FRMD4B: variants seen among roughly 807,000 people sequenced by gnomAD.
FRMD4B encodes FERM domain containing 4B.
In FRMD4B, 74 loss-of-function variants were observed where a neutral mutation model predicts 141.5. The ratio of observed to expected loss-of-function variants is 0.52; its 90% confidence interval spans 0.43 to 0.63. The LOEUF (loss-of-function observed/expected upper bound fraction) is 0.63, where lower values mean the gene tolerates loss of function less well. Ranked by LOEUF, FRMD4B falls within the 30% of genes least tolerant of loss-of-function variation. The pLI is 0.00. For synonymous variants in FRMD4B, 506 were observed against 467.9 expected, an observed-to-expected ratio of 1.08 and a Z score of -1.05; for missense variants, 1,366 against 1,253.4, an observed-to-expected ratio of 1.09 and a Z score of -1.36.
intron 9 of FRMD4B, among the ~76,000 whole-genome samples, chr3:69,219,285 C>G (rs529436554): frequency 6.6e-6 from 1 of 152,126 alleles, no homozygotes; most frequent in South Asian, 2.1e-4. Flanking sequence ...AATTTTGTAA[C>G]GCTTCCTCTC....
intron 1 of FRMD4B, among the ~76,000 whole-genome samples, chr3:69,525,711 G>A (rs1409616147): frequency 1.3e-5 from 2 of 152,004 alleles, no homozygotes; most frequent in Non-Finnish European, 2.9e-5. Flanking sequence ...GAGTGCAGTG[G>A]CACAATCACG....
At chr3:69,455,534 A>G (rs1019030611) in intron 1 of FRMD4B, among the ~76,000 whole-genome samples, 2 of 152,174 alleles carry the variant, frequency 1.3e-5, no homozygotes, top group African/African-American at 4.8e-5. Flanking sequence ...GAGACCATTA[A>G]CCGGTAAGAA....
intron 3 of FRMD4B, among the ~76,000 whole-genome samples, chr3:69,304,349 T>A (rs1156317890): frequency 1.3e-5 from 2 of 151,832 alleles, no homozygotes; most frequent in Admixed American, 6.6e-5. Context: ...CTGGGCATGG[T>A]GGCGGGTGCC....
chr3:69,247,007 C>T (rs11706488), intron 7 of FRMD4B, among the ~76,000 whole-genome samples: 123 of 152,164 alleles, frequency 8.1e-4, no homozygotes, highest in Non-Finnish European at 1.6e-3. Context: ...CCACCTCCCC[C>T]ATAACTATAG....
Position 69,346,866 on chromosome 3 carries a change from A to G in FRMD4B, c.163-33349T>C, listed in dbSNP as rs1170729065. Among the ~76,000 whole-genome samples, 10 of 152,334 alleles carry G rather than the reference A, an allele frequency of 6.6e-5. No individual in the cohort carries two copies. In the East Asian group the frequency reaches 1.7e-3, roughly 26 times the overall value. ...TGGAAAGGAAAAACCCATACCAGCC[A>G]CTGCAAAATCAAGCCAAATTGTAAA... On this transcript the variant is annotated intron_variant, in intron 1 of 22. Transcript: ENST00000398540.
intron 2 of FRMD4B, among the ~76,000 whole-genome samples, chr3:69,410,726 A>ATATAT (rs1704742541): frequency 1.2e-4 from 10 of 86,268 alleles, no homozygotes; most frequent in Admixed American, 1.4e-4. Context: ...TAAATAAATA[A>ATATAT]ATATATATAT....
intron 1 of FRMD4B, among the ~76,000 whole-genome samples, chr3:69,373,465 A>G (rs550013423): frequency 6.6e-6 from 1 of 152,238 alleles, no homozygotes; most frequent in Non-Finnish European, 1.5e-5. Context: ...AACAATTTCT[A>G]TATTTGCCAA....
At chr3:69,175,371 T>A (rs1019974332) in intron 22 of FRMD4B, among the ~76,000 whole-genome samples, 2 of 152,230 alleles carry the variant, frequency 1.3e-5, no homozygotes, top group East Asian at 1.9e-4. Flanking sequence ...AGAATTTTTT[T>A]AAAAACTAAT....
intron 2 of FRMD4B, among the ~76,000 whole-genome samples, chr3:69,410,718 AATAAATAAATATATATATAT>A (rs1704740510): frequency 1.4e-5 from 1 of 72,446 alleles, no homozygotes; most frequent in East Asian, 4.5e-4. Flanking sequence ...TAAATAAATA[AATAAATAAATATATATATAT>A]ATATATATAT....
chr3:69,540,442 G>A (rs1242157872), intron 1 of FRMD4B, among the ~76,000 whole-genome samples: 2 of 150,144 alleles, frequency 1.3e-5, no homozygotes, highest in Non-Finnish European at 3.0e-5. Context: ...GTGAAGCCCC[G>A]TCTCTATTAA....
At chr3:69,508,522 G>A (rs989739173) in intron 1 of FRMD4B, among the ~76,000 whole-genome samples, 1 of 152,130 alleles carries the variant, frequency 6.6e-6, no homozygotes, top group Admixed American at 6.6e-5. Flanking sequence ...GAGAAAGAAA[G>A]CATCCTCCTA....
At chr3:69,501,764 T>C (rs921398757) in intron 1 of FRMD4B, among the ~76,000 whole-genome samples, 1 of 152,216 alleles carries the variant, frequency 6.6e-6, no homozygotes, top group African/African-American at 2.4e-5. Flanking sequence ...GATGACATGA[T>C]TGTATATCTA....
chr3:69,180,829 C>T (rs1382033852), intron 21 of FRMD4B, 70 bp downstream of exon 21: 38 of 1,080,590 alleles, frequency 3.5e-5, no homozygotes, highest in South Asian at 1.0e-4. Flanking sequence ...ATCCGTGAGG[C>T]GGTTTTAGGT....
intron 4 of FRMD4B, among the ~76,000 whole-genome samples, chr3:69,293,778 G>C (rs1321549750): frequency 6.6e-6 from 1 of 150,856 alleles, no homozygotes; most frequent in Non-Finnish European, 1.5e-5. Flanking sequence ...CTACTCAGGA[G>C]GCTGAGGCAG....
At chr3:69,394,855 T>C (rs1013017223) in intron 2 of FRMD4B, among the ~76,000 whole-genome samples, 1 of 152,180 alleles carries the variant, frequency 6.6e-6, no homozygotes, top group Admixed American at 6.5e-5. Flanking sequence ...AGTGAGTCCA[T>C]GTCCTTCACA....
chr3:69,412,041 C>G (rs1316019979), intron 2 of FRMD4B, among the ~76,000 whole-genome samples: 1 of 152,204 alleles, frequency 6.6e-6, no homozygotes. Flanking sequence ...TCACTATGTG[C>G]CAAGCACTAC....
intron 2 of FRMD4B, among the ~76,000 whole-genome samples, chr3:69,410,444 G>GT (rs1356806035): frequency 6.6e-6 from 1 of 151,992 alleles, no homozygotes; most frequent in East Asian, 1.9e-4. Flanking sequence ...ATGAGCGAGT[G>GT]TGAATATGTG....
At chr3:69,289,846 A>G (rs962527488) in intron 4 of FRMD4B, among the ~76,000 whole-genome samples, 2 of 152,084 alleles carry the variant, frequency 1.3e-5, no homozygotes, top group Non-Finnish European at 2.9e-5. Context: ...CGTATAGCCA[A>G]TCACTGATCA....
chr3:69,456,196 A>G (rs558322101), intron 1 of FRMD4B, among the ~76,000 whole-genome samples: 1 of 152,238 alleles, frequency 6.6e-6, no homozygotes, highest in South Asian at 2.1e-4. Flanking sequence ...GCCAAGGTGT[A>G]TGACACTTTC....
Sources: allele counts gnomAD v4.1 joint callset (sites outside exome capture counted in the v4.1 genomes callset), GRCh38; gene constraint gnomAD v4.1.1; transcripts MANE v1.5; gene names NCBI Gene and HGNC (gene_info 2026-07-23, HGNC 2026-07-21).